Variants in SF3B3 observed in about 807,000 individuals in gnomAD.
The protein encoded by SF3B3 is SAP 130.
In SF3B3, 33 loss-of-function variants were observed where a neutral mutation model predicts 139.2. The observed-to-expected ratio is 0.24, with a 90% CI of 0.18 to 0.32. The LOEUF is 0.32. SF3B3 is among the 10% of genes least tolerant of loss of function. The pLI is 1.00. For synonymous variants in SF3B3, 596 were observed against 563.6 expected (o/e 1.06, Z -0.81); for missense variants, 818 against 1,509.4 (o/e 0.54, Z 7.59).
rs892459207 is a variant in SF3B3, at chr16:70,574,497, TTTTGTTTG to T, written c.*2692_*2699del. 1.3e-5 allele frequency: 2 copies of T among 152,220 alleles called. No homozygotes were observed. Among genetic ancestry groups the T allele is most frequent in the African/African-American group, 2.4e-5 (1 of 41,428 alleles). The allele number at this position is 152,220 out of a possible 1,614,324, so 9.4% of individuals were successfully genotyped here. ...TGCGCCTGGTCATAAATTCTTGTTT[TTTTGTTTG>T]TTTGTTTATTAGAGATGGAATCTCT... On this transcript the variant is annotated 3_prime_UTR_variant, in exon 26 of 26. Coordinates refer to ENST00000302516, the MANE Select transcript of SF3B3 (RefSeq NM_012426.5).
At chr16:70,532,656 C>T in intron 5 of SF3B3, 36 bp downstream of exon 5, 1 of 1,607,982 alleles carries the variant, frequency 6.2e-7, no homozygotes, top group Non-Finnish European at 8.5e-7. Context: ...TACCCTTTTA[C>T]TTGGTTCATT....
At chr16:70,560,735 C>T (rs1288661862) in intron 16 of SF3B3, 144 bp downstream of exon 16, 8 of 889,796 alleles carry the variant, frequency 9.0e-6, no homozygotes, top group Admixed American at 7.6e-5. Flanking sequence ...CCTGAGTTTT[C>T]CTAACCTAGA....
chr16:70,545,995 T>G (rs1251924439), intron 10 of SF3B3, among the ~76,000 whole-genome samples: 6 of 152,154 alleles, frequency 3.9e-5, no homozygotes, highest in South Asian at 2.1e-4. Context: ...TGTTGTTGTT[T>G]TTGTTTTTGT....
intron 11 of SF3B3, among the ~76,000 whole-genome samples, chr16:70,553,139 T>G (rs930342767): frequency 6.6e-6 from 1 of 152,122 alleles, no homozygotes; most frequent in Non-Finnish European, 1.5e-5. Context: ...TCAGGCTGGT[T>G]TCTAACTCCT....
intron 16 of SF3B3, among the ~76,000 whole-genome samples, chr16:70,560,994 GC>G (rs1395939589): frequency 6.6e-6 from 1 of 152,014 alleles, no homozygotes; most frequent in Non-Finnish European, 1.5e-5. Flanking sequence ...TGGGCACTGT[GC>G]TAATTGATTC....
At chr16:70,554,378 A>G (rs79853361) in intron 11 of SF3B3, 68 bp from the exon 12 acceptor site, 86,813 of 1,463,138 alleles carry the variant, frequency 0.059, 2,985 homozygotes, top group Non-Finnish European at 0.065. Context: ...GAGAACTCTT[A>G]GTGTTTCATT....
intron 25 of SF3B3, 124 bp downstream of exon 25, chr16:70,571,323 C>A: frequency 1.5e-6 from 1 of 678,972 alleles, no homozygotes. Flanking sequence ...AGAGCAAAGG[C>A]TTCACCTGCT....
intron 16 of SF3B3, 84 bp downstream of exon 16, chr16:70,560,675 T>C: frequency 6.7e-7 from 1 of 1,488,740 alleles, no homozygotes; most frequent in East Asian, 2.4e-5. Flanking sequence ...TAAGCTTCAC[T>C]GTCACTAATT....
intron 9 of SF3B3, 95 bp downstream of exon 9, chr16:70,541,929 C>G: frequency 8.8e-7 from 1 of 1,142,500 alleles, no homozygotes; most frequent in Non-Finnish European, 1.2e-6. Flanking sequence ...CATGAACTCG[C>G]CAGTGTGTAA....
At chr16:70,555,579 T>C (rs1227418214) in intron 13 of SF3B3, among the ~76,000 whole-genome samples, 1 of 151,968 alleles carries the variant, frequency 6.6e-6, no homozygotes, top group Admixed American at 6.6e-5. Context: ...GATGTCTAAT[T>C]CTAGGTAGAG....
intron 15 of SF3B3, among the ~76,000 whole-genome samples, chr16:70,558,962 G>T (rs2050403281): frequency 6.6e-6 from 1 of 152,172 alleles, no homozygotes; most frequent in African/African-American, 2.4e-5. Flanking sequence ...TGCAGAAGAA[G>T]AAGTTGGTTA....
At chr16:70,526,188 C>G (rs1031191803) in intron 1 of SF3B3, among the ~76,000 whole-genome samples, 3 of 151,860 alleles carry the variant, frequency 2.0e-5, no homozygotes, top group Non-Finnish European at 4.4e-5. Flanking sequence ...TTGGATTTCT[C>G]AAGGTCCCGT....
Position 70,573,428 on chromosome 16 carries a change from A to AG in SF3B3, c.*1617dup, listed in dbSNP as rs2050548123. 6.6e-6 allele frequency: 1 copy of AG among 152,156 alleles called. No homozygotes were observed. The highest frequency in any genetic ancestry group is 2.4e-5 in the African/African-American group (1 of 41,438). The allele number at this position is 152,156 out of a possible 1,614,324, so 9.4% of individuals were successfully genotyped here. On this transcript the variant is annotated 3_prime_UTR_variant, in exon 26 of 26. Transcript: ENST00000302516. ...CTAAAATACATACACTCCGTACAGA[A>AG]GGTAGGGGGTTATGTAAGAAAGGAA...
chr16:70,531,996 A>T (rs564431672), intron 4 of SF3B3, among the ~76,000 whole-genome samples: 1 of 152,204 alleles, frequency 6.6e-6, no homozygotes, highest in Non-Finnish European at 1.5e-5. Context: ...CTGCAGTGAG[A>T]TAAGATTGTA....
intron 17 of SF3B3, among the ~76,000 whole-genome samples, chr16:70,563,131 C>CTT: frequency 6.6e-6 from 1 of 151,688 alleles, no homozygotes; most frequent in East Asian, 1.9e-4. Context: ...CCATACATGG[C>CTT]TTTTTTTTTG....
At position 70,565,496 on chromosome 16, in the gene SF3B3, A is replaced by C; in HGVS notation, c.2798A>C (p.Asn933Thr). 6.2e-7 allele frequency: 1 copy of C among 1,613,976 alleles called. No individual in the cohort carries two copies. Among genetic ancestry groups the C allele is most frequent in the Non-Finnish European group, 8.5e-7 (1 of 1,179,930 alleles). The change falls in exon 20 of 26, where the codon AAT becomes ACT. Residue 933 changes from asparagine (N) to threonine (T), a missense_variant. Asn to Thr is a moderately conservative substitution (Grantham distance 65). Around this residue, in one of 14 missense-constraint regions of SF3B3, gnomAD observed 145 missense variants for 153.6 expected, o/e 0.94. Transcript: ENST00000302516. ...GTCTATACTTACAAGCTTGTGAACAATGGGGAAAAACTGGAGTTTTTGCAC... is the reference window on the plus strand; with the variant it reads ...GTCTATACTTACAAGCTTGTGAACACTGGGGAAAAACTGGAGTTTTTGCAC... ...GFVYTYKLVN[N>T]GEKLEFLHKT...
chr16:70,565,257 G>A lies in SF3B3; in HGVS notation c.2656G>A (p.Glu886Lys). 6.2e-7 allele frequency: 1 copy of A among 1,614,226 alleles called. No homozygotes were observed. The highest frequency in any genetic ancestry group is 2.2e-5 in the East Asian group (1 of 44,888). ...TLDLVQLEQNEAAFSVAVCRF... is the reference protein window; with the variant it reads ...TLDLVQLEQNKAAFSVAVCRF... ...GGACCTTGTCCAGCTGGAACAGAAT[G>A]AGGCAGCTTTTAGGTAAGCAGCCCA... Residue 886 changes from glutamate to lysine, a missense_variant, in exon 19 of 26, where the codon GAG (glutamate) becomes AAG (lysine). Physicochemically the swap from Glu to Lys is moderately conservative, Grantham distance 56. Coordinates refer to ENST00000302516, the MANE Select transcript of SF3B3 (RefSeq NM_012426.5).
Position 70,576,956 on chromosome 16 carries a change from C to T in SF3B3, c.*5143C>T, listed in dbSNP as rs2050586621. The T allele has an allele frequency of 6.6e-6, 1 of 152,176 alleles. No homozygotes were observed. Among genetic ancestry groups the T allele is most frequent in the African/African-American group, 2.4e-5 (1 of 41,384 alleles). The allele number at this position is 152,176 out of a possible 1,614,324, so 9.4% of individuals were successfully genotyped here. ...ACCAGCCTGGGCAACATGACAAAAC[C>T]CCATCTCTCCAAAAATACAAAAATT... On this transcript the variant is annotated 3_prime_UTR_variant, in exon 26 of 26. Coordinates refer to ENST00000302516, the MANE Select transcript of SF3B3 (RefSeq NM_012426.5).
intron 5 of SF3B3, among the ~76,000 whole-genome samples, chr16:70,534,991 C>T (rs980085755): frequency 3.7e-4 from 57 of 152,156 alleles, no homozygotes; most frequent in South Asian, 1.7e-3. Flanking sequence ...TTAAAAATAC[C>T]GGTGGAAGGT....
Sources: allele counts gnomAD v4.1 joint callset (sites outside exome capture counted in the v4.1 genomes callset), GRCh38; gene constraint gnomAD v4.1.1; regional missense constraint gnomAD v4.1.1; transcripts MANE v1.5; gene names NCBI Gene and HGNC (gene_info 2026-07-23, HGNC 2026-07-21).